The following ZNF765 variants were observed in gnomAD, a reference collection of about 807,000 sequenced individuals.
ZNF765 encodes zinc finger protein 765.
A neutral mutation model predicts 44.7 loss-of-function variants in ZNF765; 37 were observed. The observed-to-expected ratio is 0.83, with a 90% CI of 0.64 to 1.09. The LOEUF is 1.09. Ranked by LOEUF, ZNF765 falls within the 50% of genes least tolerant of loss-of-function variation. ZNF765 has a pLI of 0.00. For synonymous variants in ZNF765, 201 were observed against 213.7 expected, an observed-to-expected ratio of 0.94 and a Z score of 0.52; for missense variants, 594 against 626.1, an observed-to-expected ratio of 0.95 and a Z score of 0.55.
At position 53,407,976 on chromosome 19, in the gene ZNF765, G is replaced by C; in HGVS notation, c.421G>C (p.Gly141Arg). The C allele has an allele frequency of 5.0e-6, 8 of 1,614,144 alleles. No homozygotes were observed. Among genetic ancestry groups the C allele is most frequent in the Non-Finnish European group, 6.8e-6 (8 of 1,180,016 alleles). Residue 141 changes from glycine to arginine, a missense_variant, in exon 4 of 4, where the codon GGA (glycine) becomes CGA (arginine). Physicochemically the swap from Gly to Arg is moderately radical, Grantham distance 125. This residue lies in a region of ZNF765 where 567 missense variants were observed against 572.6 expected (regional missense o/e 0.99). Coordinates refer to ENST00000396408, the MANE Select transcript of ZNF765 (RefSeq NM_001040185.3). ...AGNKPVKYQLGFSFHSHLPEL... is the reference protein window; with the variant it reads ...AGNKPVKYQLRFSFHSHLPEL... Reference sequence around the variant, plus strand: ...AAACAAGCCTGTTAAATATCAGCTTGGATTCAGCTTTCATTCGCATCTGCC... The same window carrying C: ...AAACAAGCCTGTTAAATATCAGCTTCGATTCAGCTTTCATTCGCATCTGCC...
At position 53,410,263 on chromosome 19, in the gene ZNF765, G is replaced by T. The variant is rs2085821426; in HGVS notation, c.*1136G>T. On this transcript the variant is annotated 3_prime_UTR_variant, in exon 4 of 4. Coordinates refer to ENST00000396408, the MANE Select transcript of ZNF765 (RefSeq NM_001040185.3). ...TACTGGAGATAAACGTTACAAATGT[G>T]AAGCATGTGACAAAGTTTACAGTCG... 2 of 360,680 alleles carry T rather than the reference G, an allele frequency of 5.5e-6. No homozygotes were observed. Among genetic ancestry groups the T allele is most frequent in the Non-Finnish European group, 5.6e-6 (1 of 177,786 alleles). 22.3% of individuals were successfully genotyped at this position (360,680 alleles called of 1,614,324 possible).
At chr19:53,414,439 A>C (rs1382629975), downstream of ZNF765, among the ~76,000 whole-genome samples, 1 of 1,494 alleles carries the variant, frequency 6.7e-4, no homozygotes, top group Non-Finnish European at 1.5e-3. Context: ...TCCCCACCAC[A>C]CACACACACA....
At chr19:53,426,893 C>T (rs914502728) in exon 4 of ZNF765, 4 of 151,396 alleles carry the variant, frequency 2.6e-5, no homozygotes, top group African/African-American at 7.3e-5. Context: ...GCATCAGAAT[C>T]GTTCCCACGG....
rs563224283 is a variant in ZNF765, at chr19:53,410,732, G to A, written c.*1605G>A. The A allele has an allele frequency of 3.5e-5, 15 of 423,630 alleles. No homozygotes were observed. Among genetic ancestry groups the A allele is most frequent in the Admixed American group, 1.4e-4 (5 of 36,488 alleles). The allele number at this position is 423,630 out of a possible 1,614,324, so 26.2% of individuals were successfully genotyped here. A position where few individuals can be genotyped will look rare whatever the true frequency, so the allele number is the denominator to read the frequency against. On this transcript the variant is annotated 3_prime_UTR_variant, in exon 4 of 4. Coordinates refer to ENST00000396408, the MANE Select transcript of ZNF765 (RefSeq NM_001040185.3). ...TGTTCATAACTTGCAGTTCATCGGC[G>A]AACTCGTACTGGAGAGAAACCTTAC... is the stretch of plus-strand genomic sequence containing the variant.
At chr19:53,402,560 T>C (rs2147092230) in intron 3 of ZNF765, among the ~76,000 whole-genome samples, 1 of 151,990 alleles carries the variant, frequency 6.6e-6, no homozygotes, top group African/African-American at 2.4e-5. Flanking sequence ...GTGCCCGGCC[T>C]ATATTTTCTC....
exon 4 of ZNF765, chr19:53,423,749 TTA>T (rs2085921811): frequency 5.4e-6 from 1 of 184,180 alleles, no homozygotes; most frequent in Admixed American, 5.5e-5. Context: ...TGTACAATGT[TTA>T]TGTTTCTTCA....
At chr19:53,424,852 C>CG (rs1032005044) in exon 4 of ZNF765, 31 of 152,020 alleles carry the variant, frequency 2.0e-4, no homozygotes, top group African/African-American at 7.5e-4. Flanking sequence ...TTAGTAGAGA[C>CG]GGGGTTTCAC....
chr19:53,423,471 C>G (rs2085919888), exon 4 of ZNF765: 1 of 496,680 alleles, frequency 2.0e-6, no homozygotes, highest in African/African-American at 2.0e-5. Flanking sequence ...ACATCCTCCC[C>G]TGAGTCCGGA....
chr19:53,419,624 G>A (rs76911256), intron 3 of ZNF765, among the ~76,000 whole-genome samples: 2,493 of 152,294 alleles, frequency 0.016, 85 homozygotes, highest in African/African-American at 0.057. Flanking sequence ...GTGAGGTGAT[G>A]CATACGTTAA....
exon 4 of ZNF765, chr19:53,425,382 C>T (rs950198637): frequency 6.6e-6 from 1 of 152,066 alleles, no homozygotes; most frequent in Non-Finnish European, 1.5e-5. Context: ...CAACTTGGCT[C>T]AGTGCAACCT....
intron 2 of ZNF765, among the ~76,000 whole-genome samples, chr19:53,401,541 C>A (rs182025529): frequency 2.2e-4 from 32 of 147,620 alleles, no homozygotes; most frequent in African/African-American, 7.3e-4. Flanking sequence ...CCAGCCTGGG[C>A]GACAGAGCGA....
intron 3 of ZNF765, among the ~76,000 whole-genome samples, chr19:53,403,152 T>C (rs2085744437): frequency 6.8e-6 from 1 of 146,834 alleles, no homozygotes; most frequent in Non-Finnish European, 1.5e-5. Flanking sequence ...AGAGCGGGAC[T>C]CTGTCTCAAA....
At chr19:53,402,819 C>T (rs372320704) in intron 3 of ZNF765, among the ~76,000 whole-genome samples, 59 of 152,238 alleles carry the variant, frequency 3.9e-4, no homozygotes, top group Non-Finnish European at 6.8e-4. Flanking sequence ...CTTAGTCTCC[C>T]GAGTAGCTGG....
rs2085812863 is a variant in ZNF765, at chr19:53,409,490, C to T, written c.*363C>T. On this transcript the variant is annotated 3_prime_UTR_variant, in exon 4 of 4. Transcript: ENST00000396408. ...TGTGGCAAGACCTTCAGCCAGACCT[C>T]ATCCCTTACATGCCATTGTAGACTT... 2.1e-6 allele frequency: 2 copies of T among 938,680 alleles called. No homozygotes were observed. Among genetic ancestry groups the T allele is most frequent in the South Asian group, 2.6e-5 (2 of 77,386 alleles). 58.1% of individuals were successfully genotyped at this position (938,680 alleles called of 1,614,324 possible).
intron 3 of ZNF765, among the ~76,000 whole-genome samples, chr19:53,406,877 T>C (rs1368317761): frequency 2.6e-5 from 4 of 152,168 alleles, no homozygotes; most frequent in African/African-American, 9.7e-5. Flanking sequence ...ATCGGGCCAT[T>C]GAACTCCAGG....
Position 53,409,735 on chromosome 19 carries a change from C to G in ZNF765, c.*608C>G, listed in dbSNP as rs1034440083. The stretch of plus-strand genomic sequence containing the variant: ...AGTGTGGCAAGACCTTTAGTCAGAA[C>G]TCATACCTTACATGCCATCATAGAC... On this transcript the variant is annotated 3_prime_UTR_variant, in exon 4 of 4. Transcript: ENST00000396408. The G allele has an allele frequency of 4.3e-6, 4 of 928,032 alleles. No individual in the cohort carries two copies. Among genetic ancestry groups the G allele is most frequent in the South Asian group, 3.9e-5 (3 of 77,450 alleles). The allele number at this position is 928,032 out of a possible 1,614,324, so 57.5% of individuals were successfully genotyped here.
chr19:53,411,207 T>G lies in ZNF765; in HGVS notation c.*2080T>G, dbSNP rs1172918086. 6.5e-6 allele frequency: 1 copy of G among 154,148 alleles called. No individual in the cohort carries two copies. Among genetic ancestry groups the G allele is most frequent in the African/African-American group, 2.4e-5 (1 of 41,382 alleles). 9.5% of individuals were successfully genotyped at this position (154,148 alleles called of 1,614,324 possible). A position where few individuals can be genotyped will look rare whatever the true frequency, so the allele number is the denominator to read the frequency against. On this transcript the variant is annotated 3_prime_UTR_variant, in exon 4 of 4. Coordinates refer to ENST00000396408, the MANE Select transcript of ZNF765 (RefSeq NM_001040185.3). ...GGCCAGCACCGGTAGATCACTTGAG[T>G]TCAGGAGTTTGAGGTCAGCCTGGCC...
rs2085802738 is a variant in ZNF765, at chr19:53,408,695, G to A, written c.1140G>A (p.Glu380=). Residue 380 remains glutamate (E), a synonymous_variant, in exon 4 of 4, where the codon GAG becomes GAA. Coordinates refer to ENST00000396408, the MANE Select transcript of ZNF765 (RefSeq NM_001040185.3). ...FTCHHRVHTG[E]KPYKCNECSK... is the part of the protein sequence containing the mutation. ...GCCATCATAGAGTTCATACTGGAGAGAAACCTTACAAGTGTAATGAGTGTA... is the reference window on the plus strand; with the variant it reads ...GCCATCATAGAGTTCATACTGGAGAAAAACCTTACAAGTGTAATGAGTGTA... 6.5e-7 allele frequency: 1 copy of A among 1,531,766 alleles called. No homozygotes were observed. The highest frequency in any genetic ancestry group is 8.9e-7 in the Non-Finnish European group (1 of 1,128,124). 94.9% of individuals were successfully genotyped at this position (1,531,766 alleles called of 1,614,324 possible). A position where few individuals can be genotyped will look rare whatever the true frequency, so the allele number is the denominator to read the frequency against.
In ZNF765 at chr19:53,397,976, A is replaced by G; in HGVS notation, c.-40A>G. 1 of 1,612,074 alleles carries G rather than the reference A, an allele frequency of 6.2e-7. No individual in the cohort carries two copies. Among genetic ancestry groups the G allele is most frequent in the South Asian group, 1.1e-5 (1 of 91,042 alleles). The stretch of plus-strand genomic sequence containing the variant: ...TCTAAAGACTCTTGGTATGTGAGGA[A>G]GAAACCTGGAAGAGGAAGAGGAAAG... On this transcript the variant is annotated 5_prime_UTR_variant, in exon 2 of 4. Transcript: ENST00000396408.
Sources: allele counts gnomAD v4.1 joint callset (sites outside exome capture counted in the v4.1 genomes callset), GRCh38; gene constraint gnomAD v4.1.1; regional missense constraint gnomAD v4.1.1; transcripts MANE v1.5; gene names NCBI Gene and HGNC (gene_info 2026-07-23, HGNC 2026-07-21).